REDIC1: variants seen among roughly 807,000 people sequenced by gnomAD.
REDIC1 encodes HEI10 Interacting Protein 1.
chr12:39,896,468 A>ATATATG, the REDIC1 span, among the ~76,000 whole-genome samples: 1 of 144,350 alleles, frequency 6.9e-6, no homozygotes, highest in Non-Finnish European at 1.5e-5. Context: ...ATATGTATAC[A>ATATATG]TATATGTATA....
At chr12:39,779,485 C>T in the REDIC1 span, among the ~76,000 whole-genome samples, 2 of 152,144 alleles carry the variant, frequency 1.3e-5, no homozygotes. Context: ...CTTCCCTTTT[C>T]CTTCCCCAGG....
chr12:39,716,862 T>C, the REDIC1 span: 3 of 1,467,056 alleles, frequency 2.0e-6, no homozygotes, highest in Non-Finnish European at 1.9e-6. Flanking sequence ...GTTTCACTTA[T>C]TAATACATGC....
chr12:39,702,370 C>G, the REDIC1 span, among the ~76,000 whole-genome samples: 1 of 152,148 alleles, frequency 6.6e-6, no homozygotes. Flanking sequence ...TACACCCTCC[C>G]AAGACTAAAC....
chr12:39,820,468 A>T, the REDIC1 span, among the ~76,000 whole-genome samples: 3 of 152,300 alleles, frequency 2.0e-5, no homozygotes, highest in South Asian at 6.2e-4. Flanking sequence ...ACAAGTTGTA[A>T]ACCCAGATCG....
chr12:39,837,259 AATG>A, the REDIC1 span, among the ~76,000 whole-genome samples: 4 of 150,822 alleles, frequency 2.7e-5, no homozygotes, highest in East Asian at 7.8e-4. Context: ...CTATTTAATA[AATG>A]GTGCTGGGAA....
the REDIC1 span, among the ~76,000 whole-genome samples, chr12:39,827,944 G>C: frequency 6.6e-6 from 1 of 151,980 alleles, no homozygotes; most frequent in Non-Finnish European, 1.5e-5. Context: ...CTCAACACTC[G>C]ACCTTGAAAT....
chr12:39,906,939 G>A, the REDIC1 span, among the ~76,000 whole-genome samples: 11 of 152,008 alleles, frequency 7.2e-5, no homozygotes, highest in African/African-American at 2.7e-4. Flanking sequence ...ATTTTTATTT[G>A]ATTCTTTTTA....
the REDIC1 span, among the ~76,000 whole-genome samples, chr12:39,855,592 G>T: frequency 6.6e-6 from 1 of 152,084 alleles, no homozygotes; most frequent in Non-Finnish European, 1.5e-5. Context: ...GTTGTTGTTT[G>T]TTTGTTTTTA....
the REDIC1 span, among the ~76,000 whole-genome samples, chr12:39,871,352 G>A: frequency 1.3e-5 from 2 of 150,972 alleles, no homozygotes; most frequent in African/African-American, 4.9e-5. Context: ...AAATTACATG[G>A]TTCTAATATT....
the REDIC1 span, chr12:39,788,644 A>G: frequency 6.6e-6 from 1 of 152,204 alleles, no homozygotes; most frequent in Non-Finnish European, 1.5e-5. Flanking sequence ...AGTACATCAA[A>G]TGGACCAATC....
At chr12:39,739,262 A>G in the REDIC1 span, among the ~76,000 whole-genome samples, 2 of 152,186 alleles carry the variant, frequency 1.3e-5, no homozygotes, top group Non-Finnish European at 2.9e-5. Context: ...GACCTACCAT[A>G]TGGAAATAAA....
chr12:39,795,206 CTGTG>C, the REDIC1 span, among the ~76,000 whole-genome samples: 1 of 150,708 alleles, frequency 6.6e-6, no homozygotes. Flanking sequence ...CTCTCTCTCT[CTGTG>C]TGTGTCACAT....
chr12:39,735,789 T>C, the REDIC1 span, among the ~76,000 whole-genome samples: 1 of 152,200 alleles, frequency 6.6e-6, no homozygotes, highest in East Asian at 1.9e-4. Context: ...TTCTAAACAA[T>C]AGGGCTTTTA....
At chr12:39,629,020 A>T in the REDIC1 span, among the ~76,000 whole-genome samples, 1 of 152,178 alleles carries the variant, frequency 6.6e-6, no homozygotes, top group Non-Finnish European at 1.5e-5. Context: ...AAATAAAGTA[A>T]ATAAAAGTAC....
the REDIC1 span, among the ~76,000 whole-genome samples, chr12:39,661,193 T>C: frequency 1.3e-5 from 2 of 152,154 alleles, no homozygotes; most frequent in African/African-American, 4.8e-5. Context: ...TGCTGGATCA[T>C]ACTGCCATTC....
the REDIC1 span, among the ~76,000 whole-genome samples, chr12:39,865,982 T>C: frequency 1.3e-5 from 2 of 152,344 alleles, no homozygotes; most frequent in Admixed American, 6.5e-5. Flanking sequence ...CTGAGATATG[T>C]GTTAACTTAT....
the REDIC1 span, chr12:39,755,703 A>C: frequency 6.6e-6 from 1 of 152,098 alleles, no homozygotes; most frequent in Admixed American, 6.6e-5. Context: ...ACATGAACTT[A>C]ACTGTCTAAA....
the REDIC1 span, among the ~76,000 whole-genome samples, chr12:39,885,715 C>T: frequency 9.9e-5 from 15 of 152,280 alleles, no homozygotes; most frequent in East Asian, 2.9e-3. Flanking sequence ...AACATGTCTT[C>T]CCTTTTGTAC....
At chr12:39,711,604 CATGCATGT>C in the REDIC1 span, among the ~76,000 whole-genome samples, 1 of 120,044 alleles carries the variant, frequency 8.3e-6, no homozygotes, top group African/African-American at 3.0e-5. Context: ...TGTGTATACA[CATGCATGT>C]GTATGTGTAT....
Sources: gnomAD v4.1 joint callset for allele counts (sites outside exome capture counted in the v4.1 genomes callset) on GRCh38, gnomAD v4.1.1 for gene constraint, MANE v1.5 for transcripts, NCBI Gene and HGNC (gene_info 2026-07-23, HGNC 2026-07-21) for gene names.